CCDC120: variants seen among roughly 807,000 people sequenced by gnomAD.
CCDC120 encodes coiled-coil domain containing 120, also known as coiled-coil domain-containing protein 120.
CCDC120 carries 16 observed loss-of-function variants against 37.6 expected under a neutral mutation model. That is an observed-to-expected ratio of 0.43 (90% CI 0.29 to 0.65). The LOEUF is 0.65. Ranked by LOEUF, CCDC120 falls within the 30% of genes least tolerant of loss-of-function variation. The pLI is 0.18. For missense variants in CCDC120, 650 were observed against 657.4 expected, an observed-to-expected ratio of 0.99 and a Z score of 0.12; for synonymous variants, 309 against 275.4, an observed-to-expected ratio of 1.12 and a Z score of -1.21.
chrX:49,056,165 A>G (rs782579679), upstream of CCDC120, among the ~76,000 whole-genome samples: 3 of 111,489 alleles, frequency 2.7e-5, no homozygotes, highest in East Asian at 8.5e-4. Flanking sequence ...GAGTTCAGAC[A>G]ATTTCTCTGA....
Position 49,068,609 on chromosome X carries a change from G to A in CCDC120, c.2042G>A (p.Gly681Glu). The change falls in exon 11 of 11, where the codon GGG becomes GAG. Residue 681 changes from glycine (G) to glutamate (E), a missense_variant. Coordinates refer to ENST00000603986, the MANE Select transcript of CCDC120 (RefSeq NM_001163321.4). ...CGTTTAAGTGACCTGACGCTAGAGGGGGAGCAGTCCTCCAGTTCTGACACC... is the reference window on the plus strand; with the variant it reads ...CGTTTAAGTGACCTGACGCTAGAGGAGGAGCAGTCCTCCAGTTCTGACACC... ...SARLSDLTLE[G>E]EQSSSSDTQT... The A allele has an allele frequency of 8.6e-7, 1 of 1,158,134 alleles. No homozygotes were observed. Among genetic ancestry groups the A allele is most frequent in the South Asian group, 2.0e-5 (1 of 51,250 alleles).
chrX:49,059,683 C>T (rs1241756070), intron 1 of CCDC120, among the ~76,000 whole-genome samples: 1 of 112,470 alleles, frequency 8.9e-6, no homozygotes. Flanking sequence ...GTTATTACAG[C>T]CAGGAATTTC....
chrX:49,067,453 G>A lies in CCDC120; in HGVS notation c.1339G>A (p.Ala447Thr). 8.4e-7 allele frequency: 1 copy of A among 1,187,601 alleles called. No homozygotes were observed. Among genetic ancestry groups the A allele is most frequent in the Non-Finnish European group, 1.1e-6 (1 of 883,238 alleles). ...QPTPAFSSRTAGPPDPPRAAR... is the reference protein window; with the variant it reads ...QPTPAFSSRTTGPPDPPRAAR... Reference sequence around the variant, plus strand: ...AACCCCTGCCTTCTCCTCCCGCACAGCAGGCCCCCCAGACCCTCCCCGGGC... The same window carrying A: ...AACCCCTGCCTTCTCCTCCCGCACAACAGGCCCCCCAGACCCTCCCCGGGC... Residue 447 changes from alanine (A) to threonine (T), a missense_variant, in exon 10 of 11, where the codon GCA becomes ACA. Ala to Thr is a moderately conservative substitution (Grantham distance 58, BLOSUM62 0). Coordinates refer to ENST00000603986, the MANE Select transcript of CCDC120 (RefSeq NM_001163321.4).
In CCDC120 at chrX:49,065,441, C is replaced by G. The variant is rs1557080854; in HGVS notation, c.788-13C>G. 3.4e-6 allele frequency: 4 copies of G among 1,173,510 alleles called. No homozygotes were observed. Among genetic ancestry groups the G allele is most frequent in the Middle Eastern group, 2.4e-4 (1 of 4,186 alleles). The stretch of plus-strand genomic sequence containing the variant: ...CTCATTGAATTCTATCCCACTTGCT[C>G]TCTTCCACTCAGAGGAGCCCCATGG... On this transcript the variant is annotated splice_polypyrimidine_tract_variant and intron_variant, in intron 7 of 10. Coordinates refer to ENST00000603986, the MANE Select transcript of CCDC120 (RefSeq NM_001163321.4).
chrX:49,054,270 C>G (rs1004811815), upstream of CCDC120, among the ~76,000 whole-genome samples: 6 of 111,366 alleles, frequency 5.4e-5, no homozygotes, highest in African/African-American at 2.0e-4. Flanking sequence ...AGTTTCTGTC[C>G]TGACGCTTGA....
At chrX:49,060,168 T>C (rs1177515213) in intron 1 of CCDC120, among the ~76,000 whole-genome samples, 2 of 111,582 alleles carry the variant, frequency 1.8e-5, no homozygotes, top group African/African-American at 6.5e-5. Flanking sequence ...CTCACGCATG[T>C]AATCCCAGCA....
Position 49,067,439 on chromosome X carries a change from TCTC to T in CCDC120, c.1330_1332del (p.Ser444del), listed in dbSNP as rs782778272. The T allele has an allele frequency of 1.1e-5, 13 of 1,192,390 alleles. No individual in the cohort carries two copies. The highest frequency in any genetic ancestry group is 2.2e-5 in the Admixed American group (1 of 44,995). ...GAGCGCCCCCAACCAACCCCTGCCT[TCTC>T]CTCCCGCACAGCAGGCCCCCCAGAC... On this transcript the variant is annotated inframe_deletion, in exon 10 of 11. Coordinates refer to ENST00000603986, the MANE Select transcript of CCDC120 (RefSeq NM_001163321.4).
At chrX:49,054,429 A>C (rs2147786561), upstream of CCDC120, among the ~76,000 whole-genome samples, 1 of 110,089 alleles carries the variant, frequency 9.1e-6, no homozygotes, top group Non-Finnish European at 1.9e-5. Flanking sequence ...CCTCTCCTAT[A>C]TACTCGTGAT....
At position 49,067,727 on chromosome X, in the gene CCDC120, C is replaced by A; in HGVS notation, c.1613C>A (p.Thr538Asn). The change falls in exon 10 of 11, where the codon ACC (threonine) becomes AAC (asparagine). Residue 538 changes from threonine to asparagine, a missense_variant. Physicochemically the swap from Thr to Asn is moderately conservative, Grantham distance 65. Coordinates refer to ENST00000603986, the MANE Select transcript of CCDC120 (RefSeq NM_001163321.4). ...AADSNSPLLR[T>N]KDPHTRATRT... ...GACAGCAACAGCCCCCTCCTCCGCACCAAGGACCCCCACACCCGTGCCACC... is the reference window on the plus strand; with the variant it reads ...GACAGCAACAGCCCCCTCCTCCGCAACAAGGACCCCCACACCCGTGCCACC... 3 of 1,194,716 alleles carry A rather than the reference C, an allele frequency of 2.5e-6. No homozygotes were observed. Among genetic ancestry groups the A allele is most frequent in the Non-Finnish European group, 1.1e-6 (1 of 883,881 alleles).
chrX:49,054,202 C>T (rs1049073838), upstream of CCDC120, among the ~76,000 whole-genome samples: 1 of 111,068 alleles, frequency 9.0e-6, no homozygotes, highest in African/African-American at 3.3e-5. Flanking sequence ...TGATCCTTGC[C>T]TGACCCCGTC....
chrX:49,056,625 C>CAAAAAAAAAA (rs56112125), upstream of CCDC120, among the ~76,000 whole-genome samples: 1 of 47,125 alleles, frequency 2.1e-5, no homozygotes, highest in African/African-American at 9.0e-5. Context: ...GACTCCGTCT[C>CAAAAAAAAAA]AAAAAAAAAA....
chrX:49,065,510 G>A lies in CCDC120; in HGVS notation c.844G>A (p.Asp282Asn). The change falls in exon 8 of 11, where the codon GAC becomes AAC. Residue 282 changes from aspartate (D) to asparagine (N), a missense_variant. By Grantham distance (23) the Asp-to-Asn change is conservative. Transcript: ENST00000603986. ...AERPSPPKAWDQLRAVSGGSP... is the reference protein window; with the variant it reads ...AERPSPPKAWNQLRAVSGGSP... ...GCGCCCCTCACCACCCAAGGCTTGGGACCAGCTGCGGGCAGTATCTGGGGG... is the reference window on the plus strand; with the variant it reads ...GCGCCCCTCACCACCCAAGGCTTGGAACCAGCTGCGGGCAGTATCTGGGGG... 2 of 1,209,860 alleles carry A rather than the reference G, an allele frequency of 1.7e-6. No homozygotes were observed. Among genetic ancestry groups the A allele is most frequent in the Non-Finnish European group, 2.2e-6 (2 of 894,653 alleles).
Position 49,068,323 on chromosome X carries a change from G to A in CCDC120, c.1977-221G>A, listed in dbSNP as rs1358396127. On this transcript the variant is annotated intron_variant, in intron 10 of 10. Coordinates refer to ENST00000603986, the MANE Select transcript of CCDC120 (RefSeq NM_001163321.4). ...ATTCTTTATCAAGTTATAGGCTGAAGATGAGCCTTGAAGCCAGGGTGCCGG... is the reference window on the plus strand; with the variant it reads ...ATTCTTTATCAAGTTATAGGCTGAAAATGAGCCTTGAAGCCAGGGTGCCGG... The A allele has an allele frequency of 5.6e-6, 6 of 1,067,926 alleles. No homozygotes were observed. In the African/African-American group the frequency reaches 9.6e-5, roughly 17 times the overall value. 88.0% of individuals were successfully genotyped at this position (1,067,926 alleles called of 1,213,427 possible).
Position 49,064,937 on chromosome X carries a change from C to T in CCDC120, c.725-99C>T, listed in dbSNP as rs2064934967. 9.9e-6 allele frequency: 9 copies of T among 912,491 alleles called. No individual in the cohort carries two copies. In the Admixed American group the frequency reaches 2.0e-4, roughly 20 times the overall value. The allele number at this position is 912,491 out of a possible 1,213,427, so 75.2% of individuals were successfully genotyped here. Reference sequence around the variant, plus strand: ...AGGAACAGGATGAGGCGGAAACTGGCCAGAAGGTGGCCCAAGTAGAGGTGC... The same window carrying T: ...AGGAACAGGATGAGGCGGAAACTGGTCAGAAGGTGGCCCAAGTAGAGGTGC... On this transcript the variant is annotated intron_variant, in intron 6 of 10. Coordinates refer to ENST00000603986, the MANE Select transcript of CCDC120 (RefSeq NM_001163321.4).
chrX:49,060,666 T>A (rs1307002029), intron 1 of CCDC120, among the ~76,000 whole-genome samples: 1 of 110,019 alleles, frequency 9.1e-6, no homozygotes, highest in East Asian at 2.9e-4. Context: ...GTGTCAGACC[T>A]TAGATGAGTG....
chrX:49,062,360 C>T, intron 3 of CCDC120, 35 bp downstream of exon 3: 1 of 1,207,146 alleles, frequency 8.3e-7, no homozygotes, highest in Non-Finnish European at 1.1e-6. Context: ...TGCCTCCTCC[C>T]CTGCTCTGAA....
chrX:49,054,822 G>A (rs1246936334), upstream of CCDC120, among the ~76,000 whole-genome samples: 5 of 110,237 alleles, frequency 4.5e-5, no homozygotes, highest in African/African-American at 9.9e-5. Context: ...GCTCTATCTT[G>A]TCCCCTACAC....
intron 1 of CCDC120, among the ~76,000 whole-genome samples, chrX:49,060,981 C>T (rs1431660268): frequency 9.0e-6 from 1 of 111,349 alleles, no homozygotes; most frequent in African/African-American, 3.3e-5. Flanking sequence ...AAAGCCCTCC[C>T]AGTCACCTGC....
chrX:49,068,370 C>G (rs2064985242), intron 10 of CCDC120, 174 bp from the exon 11 acceptor site: 1 of 1,050,992 alleles, frequency 9.5e-7, no homozygotes, highest in East Asian at 3.6e-5. Context: ...ATCTCATGCC[C>G]CTTGCTGTTT....
Sources: gnomAD v4.1 joint callset for allele counts (sites outside exome capture counted in the v4.1 genomes callset) on GRCh38, gnomAD v4.1.1 for gene constraint, MANE v1.5 for transcripts, NCBI Gene and HGNC (gene_info 2026-07-23, HGNC 2026-07-21) for gene names.